KIAA1217: variants seen among roughly 807,000 people sequenced by gnomAD.
KIAA1217 encodes the protein KIAA1217, also known as sickle tail protein homolog.
A neutral mutation model predicts 163.9 loss-of-function variants in KIAA1217; 88 were observed. The ratio of observed to expected loss-of-function variants is 0.54; its 90% CI spans 0.45 to 0.64. The LOEUF is 0.64. Ranked by LOEUF, KIAA1217 falls within the 30% of genes least tolerant of loss-of-function variation. The probability of loss-of-function intolerance (pLI) is 0.00; values close to 1 mark genes in which losing one functional copy is unlikely to be tolerated. For synonymous variants in KIAA1217, 903 were observed against 923.1 expected, an observed-to-expected ratio of 0.98 and a Z score of 0.39; for missense variants, 2,372 against 2,475.0, an observed-to-expected ratio of 0.96 and a Z score of 0.88.
chr10:24,393,922 T>C (rs886626394), intron 3 of KIAA1217, among the ~76,000 whole-genome samples: 1 of 152,204 alleles, frequency 6.6e-6, no homozygotes, highest in Non-Finnish European at 1.5e-5. Context: ...TCTTCTTCTT[T>C]CGTCCTGTCT....
chr10:24,446,188 A>C (rs910858781), intron 5 of KIAA1217, among the ~76,000 whole-genome samples: 5 of 152,220 alleles, frequency 3.3e-5, no homozygotes, highest in African/African-American at 1.2e-4. Context: ...TCTTTTGAGA[A>C]GTGTCTGTTC....
At chr10:24,170,366 G>T (rs1423277830) in intron 2 of KIAA1217, among the ~76,000 whole-genome samples, 1 of 152,144 alleles carries the variant, frequency 6.6e-6, no homozygotes, top group Non-Finnish European at 1.5e-5. Flanking sequence ...TATCTCCGTT[G>T]TTTGGTTTTT....
intron 2 of KIAA1217, among the ~76,000 whole-genome samples, chr10:24,277,710 A>T (rs943138872): frequency 2.0e-5 from 3 of 152,188 alleles, no homozygotes; most frequent in African/African-American, 7.2e-5. Context: ...TTCCCCTTCA[A>T]CCATGATTGT....
At chr10:23,809,624 CT>C (rs960096802) in intron 1 of KIAA1217, among the ~76,000 whole-genome samples, 7 of 151,870 alleles carry the variant, frequency 4.6e-5, no homozygotes, top group African/African-American at 1.7e-4. Context: ...AGACAAAAAC[CT>C]TTCACAAATA....
At chr10:24,456,838 G>A (rs1344879594) in intron 5 of KIAA1217, among the ~76,000 whole-genome samples, 1 of 151,906 alleles carries the variant, frequency 6.6e-6, no homozygotes, top group East Asian at 1.9e-4. Context: ...GAGTAGCTGG[G>A]ATTACAGGCA....
At chr10:24,460,929 G>A (rs1489689608) in intron 5 of KIAA1217, among the ~76,000 whole-genome samples, 1 of 152,164 alleles carries the variant, frequency 6.6e-6, no homozygotes, top group Non-Finnish European at 1.5e-5. Context: ...GCAATTGGTA[G>A]TAAGAAGCTG....
At chr10:24,154,810 G>A (rs1374585722) in intron 2 of KIAA1217, among the ~76,000 whole-genome samples, 2 of 151,660 alleles carry the variant, frequency 1.3e-5, no homozygotes, top group African/African-American at 4.8e-5. Flanking sequence ...TGTCTAATCA[G>A]AATAGAGAAT....
intron 17 of KIAA1217, among the ~76,000 whole-genome samples, chr10:24,537,802 T>C (rs1173638712): frequency 6.6e-6 from 1 of 152,162 alleles, no homozygotes; most frequent in Non-Finnish European, 1.5e-5. Context: ...ACATGTGTGA[T>C]GTCAAAAAAA....
chr10:24,062,359 A>T (rs2060760168), intron 2 of KIAA1217, among the ~76,000 whole-genome samples: 1 of 129,604 alleles, frequency 7.7e-6, no homozygotes, highest in Non-Finnish European at 1.6e-5. Flanking sequence ...TCATTGTTCA[A>T]CTCCCACCTA....
chr10:24,300,089 C>T (rs1011144306), intron 2 of KIAA1217, among the ~76,000 whole-genome samples: 1 of 152,190 alleles, frequency 6.6e-6, no homozygotes, highest in African/African-American at 2.4e-5. Flanking sequence ...GATGCCGAGG[C>T]TACGTACAGA....
intron 16 of KIAA1217, among the ~76,000 whole-genome samples, chr10:24,534,538 A>G (rs987411143): frequency 2.0e-5 from 3 of 152,012 alleles, no homozygotes; most frequent in Non-Finnish European, 4.4e-5. Context: ...TGACCACTGT[A>G]CAGACATTGG....
intron 2 of KIAA1217, among the ~76,000 whole-genome samples, chr10:24,034,733 C>T (rs1564624479): frequency 6.6e-6 from 1 of 152,188 alleles, no homozygotes; most frequent in Admixed American, 6.5e-5. Context: ...AAGACGCAGA[C>T]ATCCTGGAGC....
chr10:24,127,455 A>C (rs2063507589), intron 2 of KIAA1217, among the ~76,000 whole-genome samples: 1 of 152,206 alleles, frequency 6.6e-6, no homozygotes, highest in Non-Finnish European at 1.5e-5. Flanking sequence ...TAAAAGTTAT[A>C]ATAAAAGTCC....
rs573708839 is a variant in KIAA1217, at chr10:24,240,421, T to C, written c.354+20512T>C. Among the ~76,000 whole-genome samples, 341 of 152,288 alleles carry C rather than the reference T, an allele frequency of 2.2e-3. 3 individuals are homozygous for C. Among genetic ancestry groups the C allele is most frequent in the African/African-American group, 7.8e-3 (324 of 41,566 alleles). ...TCAAAATGTTTTAAGAACTGCCTCA[T>C]GTGTGAGAATGAGACCTCCTGAAAT... On this transcript the variant is annotated intron_variant, in intron 2 of 20. Coordinates refer to ENST00000376454, the MANE Select transcript of KIAA1217 (RefSeq NM_019590.5).
chr10:24,385,951 G>T (rs377517524), intron 3 of KIAA1217, among the ~76,000 whole-genome samples: 1 of 152,158 alleles, frequency 6.6e-6, no homozygotes, highest in Non-Finnish European at 1.5e-5. Context: ...GACCATGGGC[G>T]GGGGTTGGTG....
At chr10:24,025,138 A>G (rs141184799) in intron 2 of KIAA1217, among the ~76,000 whole-genome samples, 1 of 151,772 alleles carries the variant, frequency 6.6e-6, no homozygotes. Flanking sequence ...AAAAGTTTGA[A>G]TCTTTTTAGG....
chr10:24,046,431 A>C (rs371816471), intron 2 of KIAA1217, among the ~76,000 whole-genome samples: 2 of 152,356 alleles, frequency 1.3e-5, no homozygotes, highest in African/African-American at 4.8e-5. Context: ...GCTGTAAAGA[A>C]CTACCTGAGA....
intron 1 of KIAA1217, among the ~76,000 whole-genome samples, chr10:23,949,694 G>A (rs1844240409): frequency 6.6e-6 from 1 of 152,076 alleles, no homozygotes; most frequent in Admixed American, 6.6e-5. Context: ...TCATGATAAT[G>A]CAAGTACTGT....
chr10:23,888,169 A>C (rs1297684061), intron 1 of KIAA1217, among the ~76,000 whole-genome samples: 1 of 151,970 alleles, frequency 6.6e-6, no homozygotes, highest in Non-Finnish European at 1.5e-5. Context: ...CCATGTGCAG[A>C]GAACAGCTTA....
Sources: gnomAD v4.1 joint callset for allele counts (sites outside exome capture counted in the v4.1 genomes callset) on GRCh38, gnomAD v4.1.1 for gene constraint, MANE v1.5 for transcripts, NCBI Gene and HGNC (gene_info 2026-07-23, HGNC 2026-07-21) for gene names.